The following TMEM184B variants were observed in gnomAD, a reference collection of about 807,000 sequenced individuals.
TMEM184B encodes transmembrane protein 184B.
Under a neutral mutation model 41.8 loss-of-function variants are expected in TMEM184B, and 17 were observed. The observed-to-expected ratio is 0.41, with a 90% CI of 0.28 to 0.61. TMEM184B has a LOEUF of 0.61. Among genes scored for constraint, TMEM184B ranks in the 20% least tolerant of loss-of-function variants. TMEM184B has a pLI of 0.34. For missense variants in TMEM184B, 393 were observed against 557.8 expected (o/e 0.70, Z 2.98); for synonymous variants, 240 against 229.5 (o/e 1.05, Z -0.41).
rs2091233886 is a variant in TMEM184B at position 38,220,693 on chromosome 22, C to T, written c.*776G>A. On this transcript the variant is annotated 3_prime_UTR_variant, in exon 9 of 9. Transcript: ENST00000361906. ...AAGCAAGGGCTCTGCCCAAAGCTAT[C>T]GAGGAAGGACCCAAGTGAGCCGGCA... 2.0e-6 allele frequency: 2 copies of T among 986,064 alleles called. No individual in the cohort carries two copies. The highest frequency in any genetic ancestry group is 1.1e-4 in the East Asian group (1 of 8,824). 61.1% of individuals were successfully genotyped at this position (986,064 alleles called of 1,614,324 possible).
intron 5 of TMEM184B, among the ~76,000 whole-genome samples, chr22:38,227,475 C>T (rs1466465073): frequency 2.0e-5 from 3 of 152,136 alleles, no homozygotes; most frequent in Non-Finnish European, 4.4e-5. Flanking sequence ...ACCGGGAAGC[C>T]GGCGCAGGTG....
At chr22:38,257,344 G>A (rs1408745059) in intron 1 of TMEM184B, among the ~76,000 whole-genome samples, 3 of 152,152 alleles carry the variant, frequency 2.0e-5, no homozygotes, top group Non-Finnish European at 2.9e-5. Flanking sequence ...GGATGGAAAT[G>A]TACCGGCCAA....
chr22:38,233,534 C>T (rs2091690585), intron 3 of TMEM184B, among the ~76,000 whole-genome samples: 1 of 152,216 alleles, frequency 6.6e-6, no homozygotes, highest in Non-Finnish European at 1.5e-5. Flanking sequence ...CCTGCCTGTG[C>T]TGGAGGCAGC....
At chr22:38,270,514 T>C (rs1197911852) in intron 1 of TMEM184B, among the ~76,000 whole-genome samples, 1 of 152,244 alleles carries the variant, frequency 6.6e-6, no homozygotes, top group Non-Finnish European at 1.5e-5. Flanking sequence ...GGGCACTGTC[T>C]TGCACATATT....
rs2091210319 is a variant in TMEM184B at position 38,219,806 on chromosome 22, T to G, written c.*1663A>C. The G allele has an allele frequency of 1.0e-6, 1 of 985,324 alleles. No individual in the cohort carries two copies. The highest frequency in any genetic ancestry group is 1.2e-6 in the Non-Finnish European group (1 of 829,966). 61.0% of individuals were successfully genotyped at this position (985,324 alleles called of 1,614,324 possible). ...GGCCAGGGCTGGTCCTCAGCCTGTGTCTGCACCCACCCTCCCGGGCAGCTT... is the reference window on the plus strand; with the variant it reads ...GGCCAGGGCTGGTCCTCAGCCTGTGGCTGCACCCACCCTCCCGGGCAGCTT... On this transcript the variant is annotated 3_prime_UTR_variant, in exon 9 of 9. Coordinates refer to ENST00000361906, the MANE Select transcript of TMEM184B (RefSeq NM_012264.5).
In TMEM184B at chr22:38,231,347, T is replaced by C; in HGVS notation, c.359-13A>G. 1.2e-6 allele frequency: 2 copies of C among 1,609,642 alleles called. No homozygotes were observed. The highest frequency in any genetic ancestry group is 2.2e-5 in the East Asian group (1 of 44,858). Reference sequence around the variant, plus strand: ...TAGATGACCAAGGCTGCGAAGAGAGTGTCCAGGAGAAACCAGTCAAATCAG... The same window carrying C: ...TAGATGACCAAGGCTGCGAAGAGAGCGTCCAGGAGAAACCAGTCAAATCAG... On this transcript the variant is annotated splice_polypyrimidine_tract_variant and intron_variant, in intron 3 of 8. Coordinates refer to ENST00000361906, the MANE Select transcript of TMEM184B (RefSeq NM_012264.5).
In TMEM184B at chr22:38,239,023, C is replaced by T. The variant is rs1371315790; in HGVS notation, c.358+6912G>A. 1.3e-5 allele frequency among the ~76,000 whole-genome samples: 2 copies of T among 152,206 alleles called. No individual in the cohort carries two copies. The highest frequency in any genetic ancestry group is 1.3e-4 in the Admixed American group (2 of 15,286). ...AACAGCAACTGCATAAAGCGACATA[C>T]GGACACCGCCTCCTGCCTCTGAACC... On this transcript the variant is annotated intron_variant, in intron 3 of 8. Coordinates refer to ENST00000361906, the MANE Select transcript of TMEM184B (RefSeq NM_012264.5). This position sits in a 1 kb window ranked among gnomAD's most constrained non-coding sequence, Gnocchi z 4.6.
intron 3 of TMEM184B, chr22:38,231,657 G>C: frequency 2.0e-6 from 1 of 489,176 alleles, no homozygotes; most frequent in Admixed American, 3.3e-5. Flanking sequence ...TGGGTACTCA[G>C]GAGGTTTGGG....
chr22:38,241,003 C>A (rs1014066731), intron 3 of TMEM184B, among the ~76,000 whole-genome samples: 1 of 152,196 alleles, frequency 6.6e-6, no homozygotes, highest in Admixed American at 6.5e-5. Context: ...AAGACGTGCT[C>A]CAACCAGGCA....
intron 1 of TMEM184B, among the ~76,000 whole-genome samples, chr22:38,263,371 A>T (rs2092398636): frequency 6.6e-6 from 1 of 152,136 alleles, no homozygotes; most frequent in South Asian, 2.1e-4. Flanking sequence ...ACAAGCAAAG[A>T]CACTTTTGAT....
At position 38,226,760 on chromosome 22, in the gene TMEM184B, G is replaced by A. The variant is rs748016606; in HGVS notation, c.617+19C>T. ...GCCAACACTCCTCCCACACACCCCG[G>A]GGAGCACCCGCTGCTTACTCAAAGT... On this transcript the variant is annotated intron_variant, in intron 6 of 8. Coordinates refer to ENST00000361906, the MANE Select transcript of TMEM184B (RefSeq NM_012264.5). This position sits in a 1 kb window ranked among gnomAD's most constrained non-coding sequence, Gnocchi z 4.6. The A allele has an allele frequency of 6.3e-6, 10 of 1,580,452 alleles. No individual in the cohort carries two copies. Among genetic ancestry groups the A allele is most frequent in the East Asian group, 2.3e-5 (1 of 43,384 alleles).
Position 38,220,446 on chromosome 22 carries a change from C to T in TMEM184B, c.*1023G>A. On this transcript the variant is annotated 3_prime_UTR_variant, in exon 9 of 9. Coordinates refer to ENST00000361906, the MANE Select transcript of TMEM184B (RefSeq NM_012264.5). ...CACCAGGCCCTGTGTGGATAGGGGCCCCGAGAGGAGTCTGGGACCATTCCC... is the reference window on the plus strand; with the variant it reads ...CACCAGGCCCTGTGTGGATAGGGGCTCCGAGAGGAGTCTGGGACCATTCCC... The T allele has an allele frequency of 5.1e-6, 5 of 985,816 alleles. No homozygotes were observed. The highest frequency in any genetic ancestry group is 6.0e-6 in the Non-Finnish European group (5 of 829,956). The allele number at this position is 985,816 out of a possible 1,614,324, so 61.1% of individuals were successfully genotyped here.
Position 38,219,649 on chromosome 22 carries a change from C to G in TMEM184B, c.*1820G>C, listed in dbSNP as rs1364545743. 1 of 985,408 alleles carries G rather than the reference C, an allele frequency of 1.0e-6. No individual in the cohort carries two copies. Among genetic ancestry groups the G allele is most frequent in the Non-Finnish European group, 1.2e-6 (1 of 829,964 alleles). The allele number at this position is 985,408 out of a possible 1,614,324, so 61.0% of individuals were successfully genotyped here. A position where few individuals can be genotyped will look rare whatever the true frequency, so the allele number is the denominator to read the frequency against. ...GCTGATTCCCTGCCACTGAGCTCCC[C>G]CCACCCTCCACGCAAACAGCAACGC... On this transcript the variant is annotated 3_prime_UTR_variant, in exon 9 of 9. Transcript: ENST00000361906.
In TMEM184B at chr22:38,254,599, C is replaced by G. The variant is rs1312484300; in HGVS notation, c.-58-6580G>C. Among the ~76,000 whole-genome samples the G allele has an allele frequency of 2.0e-5, 3 of 152,016 alleles. No individual in the cohort carries two copies. In the East Asian group the frequency reaches 5.8e-4, roughly 29 times the overall value. On this transcript the variant is annotated intron_variant, in intron 1 of 8. Coordinates refer to ENST00000361906, the MANE Select transcript of TMEM184B (RefSeq NM_012264.5). ...TGGGCGACAGAGCAAGACTCTGTCT[C>G]CAAAACAAACAAACAGGCAAACACA...
chr22:38,225,606 G>A lies in TMEM184B; in HGVS notation c.618-13C>T, dbSNP rs368591769. ...GCCACTGGTGACGCTGCGGGACGGG[G>A]AGCATTTTCTGGCTGGGACAGACCC... On this transcript the variant is annotated splice_polypyrimidine_tract_variant and intron_variant, in intron 6 of 8. Transcript: ENST00000361906. The surrounding 1 kb of genome is among the most constrained non-coding windows in gnomAD (Gnocchi z 4.4). The A allele has an allele frequency of 6.2e-7, 1 of 1,601,694 alleles. No homozygotes were observed. The highest frequency in any genetic ancestry group is 2.3e-5 in the East Asian group (1 of 43,796).
At position 38,225,008 on chromosome 22, in the gene TMEM184B, C is replaced by G. The variant is rs1475653369; in HGVS notation, c.788-29G>C. On this transcript the variant is annotated intron_variant, in intron 7 of 8. Coordinates refer to ENST00000361906, the MANE Select transcript of TMEM184B (RefSeq NM_012264.5). This position sits in a 1 kb window ranked among gnomAD's most constrained non-coding sequence, Gnocchi z 4.4. ...GATGGGGAGGCACGGGTGTCTGGAC[C>G]CAGAATGATTCCTTTCCTGCTCCCC... 1.3e-6 allele frequency: 2 copies of G among 1,517,438 alleles called. No homozygotes were observed. The highest frequency in any genetic ancestry group is 2.8e-5 in the African/African-American group (2 of 72,418). 94.0% of individuals were successfully genotyped at this position (1,517,438 alleles called of 1,614,324 possible).
chr22:38,265,207 C>T (rs914262951), intron 1 of TMEM184B, among the ~76,000 whole-genome samples: 3 of 152,122 alleles, frequency 2.0e-5, no homozygotes, highest in Admixed American at 1.3e-4. Flanking sequence ...GGTCCCACTC[C>T]CTGCAAAGAC....
intron 3 of TMEM184B, among the ~76,000 whole-genome samples, chr22:38,241,052 C>G (rs113782871): frequency 8.5e-5 from 13 of 152,186 alleles, no homozygotes; most frequent in African/African-American, 2.9e-4. Context: ...ACAGCCTCCA[C>G]GGAACAGGTG....
intron 3 of TMEM184B, among the ~76,000 whole-genome samples, chr22:38,234,175 A>T (rs1328674056): frequency 6.6e-6 from 1 of 152,192 alleles, no homozygotes; most frequent in African/African-American, 2.4e-5. Flanking sequence ...GAGTAACCAC[A>T]GCCAAAGTGA....
Sources: gnomAD v4.1 joint callset for allele counts (sites outside exome capture counted in the v4.1 genomes callset) on GRCh38, gnomAD v4.1.1 for gene constraint, Gnocchi (gnomAD v3.1) non-coding constraint, MANE v1.5 for transcripts, NCBI Gene and HGNC (gene_info 2026-07-23, HGNC 2026-07-21) for gene names.